TSPAN5: variants seen among roughly 807,000 people sequenced by gnomAD.
The protein encoded by TSPAN5 is tetraspanin-5.
TSPAN5 carries 10 observed loss-of-function variants against 37.1 expected under a neutral mutation model. The ratio of observed to expected loss-of-function variants is 0.27; its 90% CI spans 0.17 to 0.46. TSPAN5 has a LOEUF of 0.46. Ranked by LOEUF, TSPAN5 falls within the 20% of genes least tolerant of loss-of-function variation. The probability of loss-of-function intolerance (pLI) is 1.00; values close to 1 mark genes in which losing one functional copy is unlikely to be tolerated. For synonymous variants in TSPAN5, 110 were observed against 118.9 expected, an observed-to-expected ratio of 0.93 and a Z score of 0.48; for missense variants, 195 against 326.6, an observed-to-expected ratio of 0.60 and a Z score of 3.11.
At chr4:98,520,790 G>A (rs762234108) in intron 1 of TSPAN5, among the ~76,000 whole-genome samples, 7 of 152,152 alleles carry the variant, frequency 4.6e-5, no homozygotes, top group Non-Finnish European at 8.8e-5. Context: ...GAGATATAAC[G>A]CTGCAGTTAT....
At chr4:98,533,797 G>A (rs549885181) in intron 1 of TSPAN5, among the ~76,000 whole-genome samples, 54 of 149,392 alleles carry the variant, frequency 3.6e-4, no homozygotes, top group Non-Finnish European at 5.6e-4. Context: ...TGATCCGCCC[G>A]CCTCGGCCTC....
At chr4:98,507,779 A>G (rs755248410) in intron 1 of TSPAN5, 51 bp from the exon 2 acceptor site, 2 of 1,374,174 alleles carry the variant, frequency 1.5e-6, no homozygotes, top group African/African-American at 2.9e-5. Context: ...CCGCTAATAT[A>G]AAGAAGAAAC....
intron 1 of TSPAN5, among the ~76,000 whole-genome samples, chr4:98,545,825 C>G (rs1412569790): frequency 6.6e-6 from 1 of 152,152 alleles, no homozygotes; most frequent in Non-Finnish European, 1.5e-5. Context: ...AGCCAGCACA[C>G]CCAACCCACA....
chr4:98,478,851 G>A, intron 4 of TSPAN5, 41 bp from the exon 5 acceptor site: 2 of 1,606,028 alleles, frequency 1.2e-6, no homozygotes, highest in Non-Finnish European at 1.7e-6. Flanking sequence ...CCAACTTGGA[G>A]GCAAGCAGTC....
intron 1 of TSPAN5, among the ~76,000 whole-genome samples, chr4:98,646,299 T>C (rs779091463): frequency 6.6e-6 from 1 of 152,162 alleles, no homozygotes; most frequent in Non-Finnish European, 1.5e-5. Flanking sequence ...TTCACCTTCA[T>C]GACCTCAAGA....
intron 1 of TSPAN5, among the ~76,000 whole-genome samples, chr4:98,609,309 T>A (rs1388113137): frequency 6.6e-6 from 1 of 152,056 alleles, no homozygotes; most frequent in Non-Finnish European, 1.5e-5. Context: ...TTAAAGCTCC[T>A]GCGTTACTCT....
chr4:98,607,151 C>T (rs1756056968), intron 1 of TSPAN5, among the ~76,000 whole-genome samples: 1 of 152,210 alleles, frequency 6.6e-6, no homozygotes, highest in South Asian at 2.1e-4. Context: ...GCACCTGTCA[C>T]CCTCCTCATT....
chr4:98,527,424 A>C (rs1052774823), intron 1 of TSPAN5, among the ~76,000 whole-genome samples: 22 of 152,218 alleles, frequency 1.4e-4, no homozygotes, highest in Admixed American at 1.2e-3. Context: ...CACCCAAACC[A>C]AGAGTTAAAA....
intron 2 of TSPAN5, among the ~76,000 whole-genome samples, chr4:98,498,454 T>C (rs916202177): frequency 1.3e-5 from 2 of 152,216 alleles, no homozygotes; most frequent in Non-Finnish European, 2.9e-5. Context: ...CTGATTTCAC[T>C]GATCACTATC....
intron 1 of TSPAN5, among the ~76,000 whole-genome samples, chr4:98,613,136 C>CT (rs11308204): frequency 0.023 from 3,344 of 143,390 alleles, 136 homozygotes; most frequent in East Asian, 0.22. Flanking sequence ...AGGGCAAAAC[C>CT]TTTTTTTTTT....
intron 1 of TSPAN5, among the ~76,000 whole-genome samples, chr4:98,547,594 A>C (rs1303571292): frequency 6.6e-6 from 1 of 152,200 alleles, no homozygotes; most frequent in East Asian, 1.9e-4. Flanking sequence ...ATTTAATCGC[A>C]AAGTTCAGAA....
rs1295409797 is a variant in TSPAN5 at position 98,592,914 on chromosome 4, T to G, written c.81+65232A>C. Among the ~76,000 whole-genome samples the G allele has an allele frequency of 1.7e-4, 25 of 144,226 alleles. 1 individual carries two copies. The highest frequency in any genetic ancestry group is 2.6e-5 in the African/African-American group (1 of 38,914). 94.6% of individuals were successfully genotyped at this position (144,226 alleles called of 152,430 possible). A position where few individuals can be genotyped will look rare whatever the true frequency, so the allele number is the denominator to read the frequency against. On this transcript the variant is annotated intron_variant, in intron 1 of 7. Coordinates refer to ENST00000305798, the MANE Select transcript of TSPAN5 (RefSeq NM_005723.4). ...AATAAACATACGTGTGCATGTGTCT[T>G]TATAGCAGCATGATTTATACTCATT...
At chr4:98,655,148 G>GT (rs948462682) in intron 1 of TSPAN5, among the ~76,000 whole-genome samples, 33 of 151,270 alleles carry the variant, frequency 2.2e-4, no homozygotes, top group South Asian at 4.2e-4. Context: ...CCCAGCCTTG[G>GT]TTTTTTTTTG....
intron 1 of TSPAN5, among the ~76,000 whole-genome samples, chr4:98,600,763 T>C (rs1357661786): frequency 6.6e-6 from 1 of 152,234 alleles, no homozygotes; most frequent in African/African-American, 2.4e-5. Context: ...TTTATATTTG[T>C]ACCTCCTCCC....
At chr4:98,566,982 G>A (rs752650012) in intron 1 of TSPAN5, among the ~76,000 whole-genome samples, 5 of 152,228 alleles carry the variant, frequency 3.3e-5, no homozygotes, top group African/African-American at 9.6e-5. Flanking sequence ...TGCAGGAGAC[G>A]CTGGCATGAT....
intron 1 of TSPAN5, among the ~76,000 whole-genome samples, chr4:98,647,304 A>G (rs1364940159): frequency 6.6e-6 from 1 of 152,222 alleles, no homozygotes; most frequent in Non-Finnish European, 1.5e-5. Flanking sequence ...TAGATTACTT[A>G]CTTGGCAGAA....
chr4:98,542,988 A>G (rs1754393190), intron 1 of TSPAN5, among the ~76,000 whole-genome samples: 1 of 152,210 alleles, frequency 6.6e-6, no homozygotes, highest in Admixed American at 6.5e-5. Flanking sequence ...CCTTGGGCCT[A>G]TCTCAAAACA....
intron 1 of TSPAN5, among the ~76,000 whole-genome samples, chr4:98,612,559 A>C (rs928754870): frequency 3.9e-5 from 6 of 152,222 alleles, no homozygotes; most frequent in Non-Finnish European, 7.3e-5. Flanking sequence ...ACACTGCTGT[A>C]ACTGGCAAGG....
chr4:98,522,062 C>G (rs149475598), intron 1 of TSPAN5, among the ~76,000 whole-genome samples: 1 of 152,268 alleles, frequency 6.6e-6, no homozygotes, highest in Non-Finnish European at 1.5e-5. Flanking sequence ...AAACATCTTG[C>G]CTTTGAAATA....
Sources: gnomAD v4.1 joint callset for allele counts (sites outside exome capture counted in the v4.1 genomes callset) on GRCh38, gnomAD v4.1.1 for gene constraint, MANE v1.5 for transcripts, NCBI Gene and HGNC (gene_info 2026-07-23, HGNC 2026-07-21) for gene names.